LOC122539214: variants seen among roughly 807,000 people sequenced by gnomAD.
the LOC122539214 span, among the ~76,000 whole-genome samples, chr19:52,653,858 A>T: frequency 1.3e-5 from 2 of 152,176 alleles, no homozygotes; most frequent in Admixed American, 1.3e-4. Flanking sequence ...TGTCTTCTTA[A>T]ATGTGAGCTA....
At chr19:52,675,302 A>G in the LOC122539214 span, among the ~76,000 whole-genome samples, 36,488 of 152,156 alleles carry the variant, frequency 0.24, 4,871 homozygotes, top group Non-Finnish European at 0.3. Context: ...ACTTGATCCT[A>G]GGCCTGAAGG....
At chr19:52,676,335 C>A in the LOC122539214 span, among the ~76,000 whole-genome samples, 10 of 152,300 alleles carry the variant, frequency 6.6e-5, no homozygotes, top group East Asian at 5.8e-4. Context: ...TCACTACAAC[C>A]TCCACCTCCC....
At chr19:52,664,437 G>A in the LOC122539214 span, among the ~76,000 whole-genome samples, 6 of 151,932 alleles carry the variant, frequency 3.9e-5, no homozygotes, top group Middle Eastern at 3.2e-3. Context: ...TTTATGCTGC[G>A]GTGAGCTCTG....
chr19:52,672,911 A>T, the LOC122539214 span, among the ~76,000 whole-genome samples: 1 of 152,230 alleles, frequency 6.6e-6, no homozygotes, highest in South Asian at 2.1e-4. Context: ...ATTAATAAAT[A>T]GAACATGATA....
At chr19:52,680,155 GACA>G in the LOC122539214 span, among the ~76,000 whole-genome samples, 1 of 152,170 alleles carries the variant, frequency 6.6e-6, no homozygotes. Flanking sequence ...CTCCACCCTG[GACA>G]ACAAGAGGGA....
At chr19:52,655,391 T>G in the LOC122539214 span, 2,144 of 654,420 alleles carry the variant, frequency 3.3e-3, 3 homozygotes, top group East Asian at 5.1e-3. Context: ...CTCCATAGGA[T>G]AGTCTCTAAG....
At chr19:52,678,449 CAAAAAAA>C in the LOC122539214 span, among the ~76,000 whole-genome samples, 1 of 109,704 alleles carries the variant, frequency 9.1e-6, no homozygotes, top group African/African-American at 3.6e-5. Context: ...GACTTCATCT[CAAAAAAA>C]AAAAAAAAGA....
the LOC122539214 span, among the ~76,000 whole-genome samples, chr19:52,668,671 A>G: frequency 6.6e-6 from 1 of 152,236 alleles, no homozygotes; most frequent in Non-Finnish European, 1.5e-5. Context: ...ATAGCTATTG[A>G]AACAGGGTAT....
chr19:52,676,978 C>G, the LOC122539214 span, among the ~76,000 whole-genome samples: 1 of 145,070 alleles, frequency 6.9e-6, no homozygotes, highest in African/African-American at 2.6e-5. Flanking sequence ...TAATCAGGGA[C>G]ACAAACACTG....
At chr19:52,666,478 C>A in the LOC122539214 span, among the ~76,000 whole-genome samples, 2 of 152,082 alleles carry the variant, frequency 1.3e-5, no homozygotes, top group African/African-American at 4.8e-5. Flanking sequence ...ATCAAAAATC[C>A]TTAACCCAGT....
chr19:52,652,105 A>T, the LOC122539214 span: 1 of 241,228 alleles, frequency 4.1e-6, no homozygotes, highest in Non-Finnish European at 8.2e-6. Context: ...TCTGTCCAGT[A>T]TAGATTCCCT....
the LOC122539214 span, among the ~76,000 whole-genome samples, chr19:52,668,624 G>T: frequency 6.6e-6 from 1 of 152,152 alleles, no homozygotes; most frequent in East Asian, 1.9e-4. Context: ...ACAAAAGCAA[G>T]TTCTCAGTAG....
the LOC122539214 span, among the ~76,000 whole-genome samples, chr19:52,676,760 C>T: frequency 7.1e-6 from 1 of 139,908 alleles, no homozygotes; most frequent in East Asian, 2.0e-4. Context: ...ACATGGGAGA[C>T]TTTTCATTTT....
At chr19:52,659,071 G>C in the LOC122539214 span, among the ~76,000 whole-genome samples, 1 of 152,098 alleles carries the variant, frequency 6.6e-6, no homozygotes, top group African/African-American at 2.4e-5. Context: ...CATCCGTCTG[G>C]GCCAGGGTCC....
At chr19:52,664,362 G>A in the LOC122539214 span, among the ~76,000 whole-genome samples, 3 of 151,964 alleles carry the variant, frequency 2.0e-5, no homozygotes, top group Non-Finnish European at 4.4e-5. Context: ...CCTATGCGGT[G>A]GCATGTAGCT....
At chr19:52,657,043 A>G in the LOC122539214 span, among the ~76,000 whole-genome samples, 2 of 151,734 alleles carry the variant, frequency 1.3e-5, no homozygotes, top group African/African-American at 4.8e-5. Flanking sequence ...TTGAGCCTGG[A>G]GAGCAGAGTT....
the LOC122539214 span, among the ~76,000 whole-genome samples, chr19:52,672,589 AAATT>A: frequency 6.6e-6 from 1 of 152,222 alleles, no homozygotes; most frequent in Non-Finnish European, 1.5e-5. Context: ...TATGTTTTAA[AAATT>A]AATTAAGTTA....
the LOC122539214 span, among the ~76,000 whole-genome samples, chr19:52,659,613 CAAA>C: frequency 1.8e-5 from 2 of 114,272 alleles, no homozygotes; most frequent in African/African-American, 3.2e-5. Flanking sequence ...GACTCCAACT[CAAA>C]AAAAAAAAAA....
the LOC122539214 span, among the ~76,000 whole-genome samples, chr19:52,669,502 T>C: frequency 6.6e-6 from 1 of 152,204 alleles, no homozygotes; most frequent in East Asian, 1.9e-4. Context: ...GAAAATGGGA[T>C]AGCCTTTGAC....
Sources: gnomAD v4.1 joint callset for allele counts (sites outside exome capture counted in the v4.1 genomes callset) on GRCh38, gnomAD v4.1.1 for gene constraint, MANE v1.5 for transcripts.